Variants in IL23R observed in about 807,000 individuals in gnomAD.
IL23R encodes the protein interleukin-23 receptor.
Under a neutral mutation model 56.9 loss-of-function variants are expected in IL23R, and 34 were observed. That is an observed-to-expected ratio of 0.60 (90% CI 0.45 to 0.80). The LOEUF (loss-of-function observed/expected upper bound fraction) is 0.80, where lower values mean the gene tolerates loss of function less well. IL23R is among the 30% of genes least tolerant of loss of function. The pLI is 0.00. For synonymous variants in IL23R, 230 were observed against 249.2 expected (o/e 0.92, Z 0.73); for missense variants, 635 against 730.0 (o/e 0.87, Z 1.50).
rs12062288 is a variant in IL23R at position 67,254,533 on chromosome 1, C to A, written c.1149-1304C>A. Among the ~76,000 whole-genome samples the A allele has an allele frequency of 2.9e-3, 441 of 151,570 alleles. 5 individuals carry two copies. Among genetic ancestry groups the A allele is most frequent in the African/African-American group, 0.01 (417 of 41,296 alleles). ...ACAGAAGAGAGTGTGAATTAGTAAA[C>A]AAAACAACAACAAAAAAAATGGAAT... On this transcript the variant is annotated intron_variant, in intron 9 of 10. Coordinates refer to ENST00000347310, the MANE Select transcript of IL23R (RefSeq NM_144701.3).
At chr1:67,195,373 G>A (rs1648064799) in intron 4 of IL23R, among the ~76,000 whole-genome samples, 1 of 152,150 alleles carries the variant, frequency 6.6e-6, no homozygotes, top group Admixed American at 6.5e-5. Context: ...GTTGTTTAAT[G>A]AGTCCTTCAT....
intron 7 of IL23R, among the ~76,000 whole-genome samples, chr1:67,231,154 A>G (rs1243672564): frequency 6.6e-6 from 1 of 152,186 alleles, no homozygotes; most frequent in Non-Finnish European, 1.5e-5. Flanking sequence ...TTTATGATGC[A>G]GGCCTTGGTT....
intron 9 of IL23R, among the ~76,000 whole-genome samples, chr1:67,250,897 G>C (rs1282698295): frequency 1.3e-5 from 2 of 152,174 alleles, no homozygotes; most frequent in African/African-American, 4.8e-5. Flanking sequence ...TAATAAGCAG[G>C]CACAGCTGGA....
chr1:67,193,314 A>G (rs945578422), intron 4 of IL23R, among the ~76,000 whole-genome samples: 2 of 152,200 alleles, frequency 1.3e-5, no homozygotes, highest in African/African-American at 2.4e-5. Flanking sequence ...CTCACCATAC[A>G]TAGATCAGAT....
intron 3 of IL23R, among the ~76,000 whole-genome samples, chr1:67,177,327 G>A (rs1414209157): frequency 6.6e-6 from 1 of 152,108 alleles, no homozygotes; most frequent in African/African-American, 2.4e-5. Context: ...GTGTGAGATG[G>A]TATCTCATTG....
intron 9 of IL23R, among the ~76,000 whole-genome samples, chr1:67,250,494 T>C (rs972434174): frequency 2.6e-5 from 4 of 152,284 alleles, no homozygotes; most frequent in African/African-American, 9.6e-5. Context: ...ATAGGTAAAT[T>C]GAACAATTTT....
chr1:67,200,920 A>G (rs1316229301), intron 5 of IL23R, 23 bp downstream of exon 5: 1 of 1,611,782 alleles, frequency 6.2e-7, no homozygotes, highest in Admixed American at 1.7e-5. Context: ...AAATTCTGTA[A>G]GTCTTTAATA....
At chr1:67,257,177 G>A (rs1170887694) in intron 10 of IL23R, among the ~76,000 whole-genome samples, 1 of 152,160 alleles carries the variant, frequency 6.6e-6, no homozygotes, top group African/African-American at 2.4e-5. Flanking sequence ...GCAAACCTTA[G>A]GGCTTCCCTC....
chr1:67,192,127 G>A (rs1647797777), intron 4 of IL23R, among the ~76,000 whole-genome samples: 1 of 152,212 alleles, frequency 6.6e-6, no homozygotes, highest in African/African-American at 2.4e-5. Flanking sequence ...AGGAATATAT[G>A]TGAGCTATTT....
chr1:67,148,354 C>T (rs1420437476), intron 1 of IL23R, among the ~76,000 whole-genome samples: 1 of 152,228 alleles, frequency 6.6e-6, no homozygotes, highest in Non-Finnish European at 1.5e-5. Flanking sequence ...GGGGAGGGGA[C>T]CCAAAGGGGG....
chr1:67,226,191 A>G (rs1374803285), intron 7 of IL23R, among the ~76,000 whole-genome samples: 2 of 152,196 alleles, frequency 1.3e-5, no homozygotes, highest in Admixed American at 6.5e-5. Context: ...TGTGACTCCC[A>G]AAGCCCAAGT....
At chr1:67,225,039 T>C (rs1335409651) in intron 7 of IL23R, among the ~76,000 whole-genome samples, 2 of 152,212 alleles carry the variant, frequency 1.3e-5, no homozygotes, top group East Asian at 3.8e-4. Flanking sequence ...ACTCAGGCTA[T>C]GGGATTCCAG....
chr1:67,230,608 C>A (rs967780200), intron 7 of IL23R, among the ~76,000 whole-genome samples: 1 of 152,200 alleles, frequency 6.6e-6, no homozygotes, highest in African/African-American at 2.4e-5. Flanking sequence ...TCCCTACATA[C>A]CAAGTACCTA....
chr1:67,148,251 C>T (rs1488367329), intron 1 of IL23R, among the ~76,000 whole-genome samples: 1 of 152,238 alleles, frequency 6.6e-6, no homozygotes, highest in Non-Finnish European at 1.5e-5. Flanking sequence ...TAGTGGACGG[C>T]GAGCGAAAGC....
At chr1:67,145,217 G>A (rs1646668952) in intron 1 of IL23R, among the ~76,000 whole-genome samples, 2 of 151,994 alleles carry the variant, frequency 1.3e-5, no homozygotes, top group Non-Finnish European at 2.9e-5. Context: ...CTTGGTGGCG[G>A]GCACCTGTAA....
rs188150114 is a variant in IL23R at position 67,235,442 on chromosome 1, G to A, written c.956-1271G>A. 6.0e-5 allele frequency among the ~76,000 whole-genome samples: 9 copies of A among 150,132 alleles called. No homozygotes were observed. The South Asian group carries it at 8.4e-4, about 14-fold the overall frequency. On this transcript the variant is annotated intron_variant, in intron 7 of 10. Coordinates refer to ENST00000347310, the MANE Select transcript of IL23R (RefSeq NM_144701.3). ...GGAGTCTCCCTCTGTCACCCAGGCC[G>A]GAGTGCTATGGCACGATCTAGACTC...
downstream of IL23R, among the ~76,000 whole-genome samples, chr1:67,263,793 G>A (rs951273969): frequency 1.3e-5 from 2 of 151,860 alleles, no homozygotes; most frequent in African/African-American, 2.4e-5. Flanking sequence ...TAACCCAGGA[G>A]GTGGAGGTTG....
chr1:67,215,024 C>T (rs745497435), intron 6 of IL23R, among the ~76,000 whole-genome samples: 51 of 152,216 alleles, frequency 3.4e-4, no homozygotes, highest in African/African-American at 1.2e-3. Context: ...GCCTCTGTCA[C>T]GTACCGCCTG....
intron 9 of IL23R, among the ~76,000 whole-genome samples, chr1:67,241,078 G>A (rs1205787932): frequency 6.6e-6 from 1 of 152,208 alleles, no homozygotes; most frequent in Non-Finnish European, 1.5e-5. Context: ...ACAAGGACTT[G>A]AATATAGAAG....
Sources: allele counts gnomAD v4.1 joint callset (sites outside exome capture counted in the v4.1 genomes callset), GRCh38; gene constraint gnomAD v4.1.1; transcripts MANE v1.5; gene names NCBI Gene and HGNC (gene_info 2026-07-23, HGNC 2026-07-21).